The following CCDC62 variants were observed in gnomAD, a reference collection of about 807,000 sequenced individuals.
CCDC62 encodes coiled-coil domain-containing protein 62.
CCDC62 carries 72 observed loss-of-function variants against 80.8 expected under a neutral mutation model. The observed-to-expected ratio is 0.89, with a 90% CI of 0.74 to 1.08. The LOEUF (loss-of-function observed/expected upper bound fraction) is 1.08, where lower values mean the gene tolerates loss of function less well. CCDC62 is among the 50% of genes least tolerant of loss of function. The pLI is 0.00. For synonymous variants in CCDC62, 286 were observed against 296.5 expected, an observed-to-expected ratio of 0.96 and a Z score of 0.36; for missense variants, 704 against 809.4, an observed-to-expected ratio of 0.87 and a Z score of 1.58.
intron 11 of CCDC62, among the ~76,000 whole-genome samples, chr12:122,819,270 GA>G (rs1237573774): frequency 6.6e-6 from 1 of 152,174 alleles, no homozygotes; most frequent in Non-Finnish European, 1.5e-5. Context: ...CTGCAATAAG[GA>G]AGCAGGGTAA....
intron 11 of CCDC62, among the ~76,000 whole-genome samples, chr12:122,820,692 A>G (rs1351549439): frequency 6.6e-6 from 1 of 151,730 alleles, no homozygotes; most frequent in African/African-American, 2.4e-5. Context: ...AAAAATACAA[A>G]AATTACCCGG....
chr12:122,804,142 T>C (rs1254082766), intron 9 of CCDC62, among the ~76,000 whole-genome samples: 1 of 152,200 alleles, frequency 6.6e-6, no homozygotes, highest in African/African-American at 2.4e-5. Flanking sequence ...AAACAGAGGT[T>C]TACCCGTGCA....
At chr12:122,813,671 G>C (rs1279078390) in intron 11 of CCDC62, among the ~76,000 whole-genome samples, 1 of 151,966 alleles carries the variant, frequency 6.6e-6, no homozygotes, top group Non-Finnish European at 1.5e-5. Context: ...CTTGGAGGGG[G>C]CGGGTACAGA....
chr12:122,777,892 A>G (rs889805834), intron 2 of CCDC62, among the ~76,000 whole-genome samples: 2 of 152,196 alleles, frequency 1.3e-5, no homozygotes, highest in Non-Finnish European at 2.9e-5. Flanking sequence ...CAGTATAGAA[A>G]GGGGGCTGGA....
intron 8 of CCDC62, among the ~76,000 whole-genome samples, chr12:122,799,559 G>T (rs1233293971): frequency 6.6e-6 from 1 of 152,030 alleles, no homozygotes. Context: ...AATTGGTTTT[G>T]GTAAAATTAA....
chr12:122,780,393 C>A (rs1009543375), intron 2 of CCDC62, among the ~76,000 whole-genome samples: 1 of 150,450 alleles, frequency 6.6e-6, no homozygotes, highest in Non-Finnish European at 1.5e-5. Flanking sequence ...GTGGGCTGAT[C>A]ACGAGGTCAG....
Position 122,801,447 on chromosome 12 carries a change from C to T in CCDC62, c.1301C>T (p.Ser434Leu). Reference protein sequence around the residue: ...KITLCKIHTKSPKCHGTGVQN... With the variant: ...KITLCKIHTKLPKCHGTGVQN... ...ACATTGTGCAAGATCCACACAAAAT[C>T]ACCAAAATGTCATGGCACTGGGGTT... Residue 434 changes from serine (S) to leucine (L), a missense_variant, in exon 9 of 13, where the codon TCA becomes TTA. Coordinates refer to ENST00000253079, the MANE Select transcript of CCDC62 (RefSeq NM_201435.5). 6.2e-7 allele frequency: 1 copy of T among 1,614,112 alleles called. No individual in the cohort carries two copies. Among genetic ancestry groups the T allele is most frequent in the Non-Finnish European group, 8.5e-7 (1 of 1,180,022 alleles).
intron 1 of CCDC62, 90 bp from the exon 2 acceptor site, chr12:122,777,401 A>G (rs1879528443): frequency 8.9e-7 from 1 of 1,119,492 alleles, no homozygotes; most frequent in East Asian, 2.5e-5. Context: ...ATTGGCCGCA[A>G]AAGAAGATAT....
At chr12:122,785,683 G>A in intron 3 of CCDC62, 36 bp from the exon 4 acceptor site, 1 of 1,348,164 alleles carries the variant, frequency 7.4e-7, no homozygotes, top group South Asian at 1.2e-5. Context: ...GCTTTAAAAG[G>A]ACTCAAGCAG....
At chr12:122,818,365 A>G (rs965643783) in intron 11 of CCDC62, among the ~76,000 whole-genome samples, 1 of 151,214 alleles carries the variant, frequency 6.6e-6, no homozygotes, top group African/African-American at 2.4e-5. Flanking sequence ...AGGCAGGAGA[A>G]TGGTGTAAAC....
At chr12:122,792,543 G>C (rs1412051918) in intron 6 of CCDC62, among the ~76,000 whole-genome samples, 1 of 151,588 alleles carries the variant, frequency 6.6e-6, no homozygotes, top group Non-Finnish European at 1.5e-5. Context: ...TTCTGAGACA[G>C]AGTCTCACTC....
At chr12:122,814,561 C>T (rs2032087178) in intron 11 of CCDC62, among the ~76,000 whole-genome samples, 1 of 144,794 alleles carries the variant, frequency 6.9e-6, no homozygotes, top group South Asian at 2.1e-4. Context: ...GGCTGGGGTG[C>T]AATGGCACGA....
intron 6 of CCDC62, among the ~76,000 whole-genome samples, 163 bp from the exon 7 acceptor site, chr12:122,797,144 C>A (rs2031011886): frequency 6.6e-6 from 1 of 152,092 alleles, no homozygotes; most frequent in Non-Finnish European, 1.5e-5. Context: ...TCCCAAAGTG[C>A]TGCAATTACA....
At position 122,813,325 on chromosome 12, in the gene CCDC62, G is replaced by A. The variant is rs773196241; in HGVS notation, c.1907G>A (p.Arg636His). The change falls in exon 11 of 13, where the codon CGT (arginine) becomes CAT (histidine). Residue 636 changes from arginine to histidine, a missense_variant. Coordinates refer to ENST00000253079, the MANE Select transcript of CCDC62 (RefSeq NM_201435.5). The part of the protein sequence containing the change: ...DDFSPTSKLQ[R>H]LLAESRQMVT... ...TTCTCGCCCACGAGCAAGCTCCAGC[G>A]TTTGCTGGCGGAATCTCGTCAGATG... 29 of 1,613,770 alleles carry A rather than the reference G, an allele frequency of 1.8e-5. No individual in the cohort carries two copies. Among genetic ancestry groups the A allele is most frequent in the South Asian group, 2.2e-5 (2 of 91,062 alleles).
At chr12:122,808,236 G>T (rs1194953327) in intron 10 of CCDC62, among the ~76,000 whole-genome samples, 1 of 152,134 alleles carries the variant, frequency 6.6e-6, no homozygotes, top group South Asian at 2.1e-4. Flanking sequence ...GGCAGGGGTT[G>T]CAGTGAACCA....
At chr12:122,781,094 C>A in intron 2 of CCDC62, 70 bp from the exon 3 acceptor site, 3 of 1,251,716 alleles carry the variant, frequency 2.4e-6, no homozygotes, top group Non-Finnish European at 3.4e-6. Flanking sequence ...TACCTTTTAA[C>A]CACCCATTTT....
chr12:122,785,831 A>C lies in CCDC62; in HGVS notation c.498+11A>C, dbSNP rs2030184684. 3.8e-6 allele frequency: 6 copies of C among 1,561,798 alleles called. No homozygotes were observed. Among genetic ancestry groups the C allele is most frequent in the Non-Finnish European group, 4.4e-6 (5 of 1,132,664 alleles). ...ATGATAAAGCTAAAGGTAATCAAAA[A>C]TAAGAATTCCTCCATTTGCCAGAGT... On this transcript the variant is annotated intron_variant, in intron 4 of 12. Transcript: ENST00000253079.
intron 11 of CCDC62, among the ~76,000 whole-genome samples, chr12:122,818,452 CAAAA>C (rs138729013): frequency 3.2e-5 from 2 of 61,988 alleles, no homozygotes; most frequent in Non-Finnish European, 7.0e-5. Context: ...GACTCTGTCT[CAAAA>C]AAAAAAAAAA....
chr12:122,802,790 G>A (rs935536852), intron 9 of CCDC62, among the ~76,000 whole-genome samples: 7 of 152,176 alleles, frequency 4.6e-5, no homozygotes, highest in South Asian at 2.1e-4. Flanking sequence ...TACTTGGGAG[G>A]CTGAGGCAGG....
Sources: allele counts gnomAD v4.1 joint callset (sites outside exome capture counted in the v4.1 genomes callset), GRCh38; gene constraint gnomAD v4.1.1; transcripts MANE v1.5; gene names NCBI Gene and HGNC (gene_info 2026-07-23, HGNC 2026-07-21).